The following ADGRA1 variants were observed in gnomAD, a reference collection of about 807,000 sequenced individuals.
ADGRA1 encodes adhesion G protein-coupled receptor A1, also known as G-protein coupled receptor 123.
A neutral mutation model predicts 21.3 loss-of-function variants in ADGRA1; 12 were observed. The observed-to-expected ratio is 0.56, with a 90% confidence interval of 0.36 to 0.91. The LOEUF is 0.91. ADGRA1 is among the 40% of genes least tolerant of loss of function. ADGRA1 has a pLI of 0.01. For synonymous variants in ADGRA1, 385 were observed against 368.8 expected, an observed-to-expected ratio of 1.04 and a Z score of -0.50; for missense variants, 790 against 805.6, an observed-to-expected ratio of 0.98 and a Z score of 0.23.
chr10:133,128,491 G>A lies in ADGRA1; in HGVS notation c.663G>A (p.Leu221=). 6.4e-7 allele frequency: 1 copy of A among 1,559,010 alleles called. No homozygotes were observed. Among genetic ancestry groups the A allele is most frequent in the Non-Finnish European group, 8.7e-7 (1 of 1,153,674 alleles). ...LRTQPEEQRR[L]ATPEGGRGIR... is the part of the protein sequence containing the mutation. ...CACAGCCCGAGGAGCAGCGGCGGCTGGCGACACCCGAGGGCGGCCGTGGGA... is the reference window on the plus strand; with the variant it reads ...CACAGCCCGAGGAGCAGCGGCGGCTAGCGACACCCGAGGGCGGCCGTGGGA... The change falls in exon 7 of 7, where the codon CTG becomes CTA. Residue 221 remains leucine, a synonymous_variant. Coordinates refer to ENST00000392607, the MANE Select transcript of ADGRA1 (RefSeq NM_001083909.3).
At chr10:133,098,526 C>A in intron 3 of ADGRA1, 114 bp from the exon 4 acceptor site, 1 of 1,314,360 alleles carries the variant, frequency 7.6e-7, no homozygotes. Context: ...TGCCCCTGAC[C>A]CCACGGAGAG....
At chr10:133,102,183 C>T (rs1851807453) in intron 4 of ADGRA1, 1 of 455,148 alleles carries the variant, frequency 2.2e-6, no homozygotes, top group Non-Finnish European at 4.4e-6. Flanking sequence ...GCTCATCCCA[C>T]CCACAGTAAG....
intron 4 of ADGRA1, among the ~76,000 whole-genome samples, chr10:133,100,544 G>A (rs542802760): frequency 1.3e-5 from 2 of 152,372 alleles, no homozygotes; most frequent in South Asian, 4.1e-4. Flanking sequence ...CGGATGCTGG[G>A]GTGTTGGGGC....
At chr10:133,127,471 C>A (rs1372420035) in intron 6 of ADGRA1, 140 bp downstream of exon 6, 22 of 654,318 alleles carry the variant, frequency 3.4e-5, no homozygotes, top group Non-Finnish European at 5.5e-5. Context: ...CCGAGAGCTG[C>A]GCCCCTCCCA....
Position 133,131,233 on chromosome 10 carries a change from C to G in ADGRA1, c.*1722C>G, listed in dbSNP as rs182050907. 6.6e-6 allele frequency: 1 copy of G among 152,250 alleles called. No individual in the cohort carries two copies. Among genetic ancestry groups the G allele is most frequent in the Admixed American group, 6.5e-5 (1 of 15,284 alleles). 9.4% of individuals were successfully genotyped at this position (152,250 alleles called of 1,614,324 possible). On this transcript the variant is annotated 3_prime_UTR_variant, in exon 7 of 7. Transcript: ENST00000392607. ...TTGACCGTGACTCAGTAACCCACAG[C>G]GTGCTCCTCCCAGCAAACCCCGTGT...
In ADGRA1 at chr10:133,128,815, C is replaced by T. The variant is rs2806453; in HGVS notation, c.987C>T (p.Pro329=). Residue 329 remains proline (P), a synonymous_variant, in exon 7 of 7, where the codon CCC becomes CCT. Coordinates refer to ENST00000392607, the MANE Select transcript of ADGRA1 (RefSeq NM_001083909.3). ...ACCPPRKDAH[P]ALDANGAALG... is the part of the protein sequence containing the mutation. ...GCCCGCCCCGCAAGGACGCCCACCCCGCACTTGACGCCAACGGGGCCGCGC... is the reference window on the plus strand; with the variant it reads ...GCCCGCCCCGCAAGGACGCCCACCCTGCACTTGACGCCAACGGGGCCGCGC... 0.058 allele frequency: 92,517 copies of T among 1,605,172 alleles called. 3,403 individuals carry two copies. Among genetic ancestry groups the T allele is most frequent in the Admixed American group, 0.16 (9,794 of 59,656 alleles).
intron 2 of ADGRA1, among the ~76,000 whole-genome samples, chr10:133,096,394 C>A (rs547909454): frequency 1.3e-5 from 2 of 152,230 alleles, no homozygotes; most frequent in Non-Finnish European, 2.9e-5. Flanking sequence ...GACCCTGAAC[C>A]CTTTTCTTGG....
At chr10:133,113,917 G>T (rs191707378) in intron 5 of ADGRA1, among the ~76,000 whole-genome samples, 1 of 152,358 alleles carries the variant, frequency 6.6e-6, no homozygotes, top group East Asian at 1.9e-4. Context: ...TAGCCCAGCC[G>T]TGAGCTTTAC....
At position 133,130,464 on chromosome 10, in the gene ADGRA1, C is replaced by T. The variant is rs1852493535; in HGVS notation, c.*953C>T. On this transcript the variant is annotated 3_prime_UTR_variant, in exon 7 of 7. Coordinates refer to ENST00000392607, the MANE Select transcript of ADGRA1 (RefSeq NM_001083909.3). Reference sequence around the variant, plus strand: ...GGACAAAATCCCTTTCCCTTTTTCTCGTCTCCATGAACATCTGGGTACCAA... The same window carrying T: ...GGACAAAATCCCTTTCCCTTTTTCTTGTCTCCATGAACATCTGGGTACCAA... 1 of 152,196 alleles carries T rather than the reference C, an allele frequency of 6.6e-6. No homozygotes were observed. The highest frequency in any genetic ancestry group is 2.4e-5 in the African/African-American group (1 of 41,454). The allele number at this position is 152,196 out of a possible 1,614,324, so 9.4% of individuals were successfully genotyped here. A position where few individuals can be genotyped will look rare whatever the true frequency, so the allele number is the denominator to read the frequency against.
chr10:133,130,766 A>C lies in ADGRA1; in HGVS notation c.*1255A>C, dbSNP rs1852504409. On this transcript the variant is annotated 3_prime_UTR_variant, in exon 7 of 7. Coordinates refer to ENST00000392607, the MANE Select transcript of ADGRA1 (RefSeq NM_001083909.3). ...CATATCACACACATGCACACACACA[A>C]ACACGTGCATATCACACACATGCAC... 1 of 148,194 alleles carries C rather than the reference A, an allele frequency of 6.7e-6. No individual in the cohort carries two copies. The highest frequency in any genetic ancestry group is 2.5e-5 in the African/African-American group (1 of 39,724). The allele number at this position is 148,194 out of a possible 1,614,324, so 9.2% of individuals were successfully genotyped here. A position where few individuals can be genotyped will look rare whatever the true frequency, so the allele number is the denominator to read the frequency against.
rs56850869 is a variant in ADGRA1, at chr10:133,127,760, T to TGGCCCCGCCCACCCAGCTCCACCTCCGCC, written c.500+429_500+430insGGCCCCGCCCACCCAGCTCCACCTCCGCC. ...ATGGCCCGCCCGTCTGCCCTCCGCC[T>TGGCCCCGCCCACCCAGCTCCACCTCCGCC]TGCCCCGCCCACCCAGCTCCACCTC... is the stretch of plus-strand genomic sequence containing the variant. On this transcript the variant is annotated intron_variant, in intron 6 of 6. Coordinates refer to ENST00000392607, the MANE Select transcript of ADGRA1 (RefSeq NM_001083909.3). 3.8e-5 allele frequency among the ~76,000 whole-genome samples: 3 copies of TGGCCCCGCCCACCCAGCTCCACCTCCGCC among 79,070 alleles called. 1 individual carries two copies. 51.9% of individuals were successfully genotyped at this position (79,070 alleles called of 152,430 possible).
At chr10:133,111,011 G>A (rs1392239981) in intron 5 of ADGRA1, among the ~76,000 whole-genome samples, 1 of 152,084 alleles carries the variant, frequency 6.6e-6, no homozygotes, top group Non-Finnish European at 1.5e-5. Flanking sequence ...TGGCTGAACT[G>A]GGGAGGTTCT....
chr10:133,119,261 C>CAA (rs34728360), intron 5 of ADGRA1, among the ~76,000 whole-genome samples: 1 of 145,418 alleles, frequency 6.9e-6, no homozygotes, highest in Non-Finnish European at 1.5e-5. Flanking sequence ...CCTTTATTGC[C>CAA]AAAAAAAAAA....
intron 5 of ADGRA1, among the ~76,000 whole-genome samples, chr10:133,125,706 G>C (rs1175175358): frequency 2.6e-5 from 4 of 152,178 alleles, no homozygotes; most frequent in Non-Finnish European, 4.4e-5. Context: ...AGGGATTACA[G>C]GCGTGAGCCA....
At position 133,130,792 on chromosome 10, in the gene ADGRA1, A is replaced by C. The variant is rs1013690290; in HGVS notation, c.*1281A>C. On this transcript the variant is annotated 3_prime_UTR_variant, in exon 7 of 7. Coordinates refer to ENST00000392607, the MANE Select transcript of ADGRA1 (RefSeq NM_001083909.3). Reference sequence around the variant, plus strand: ...ACACGTGCATATCACACACATGCACACAAACGTGCATATCACACACACGCA... The same window carrying C: ...ACACGTGCATATCACACACATGCACCCAAACGTGCATATCACACACACGCA... The C allele has an allele frequency of 6.6e-6, 1 of 151,732 alleles. No homozygotes were observed. The highest frequency in any genetic ancestry group is 1.5e-5 in the Non-Finnish European group (1 of 67,742). The allele number at this position is 151,732 out of a possible 1,614,324, so 9.4% of individuals were successfully genotyped here.
intron 5 of ADGRA1, among the ~76,000 whole-genome samples, chr10:133,112,137 T>C (rs919814740): frequency 1.3e-5 from 2 of 152,150 alleles, no homozygotes; most frequent in African/African-American, 4.8e-5. Context: ...CCACATTTTC[T>C]GCTCCCTTTG....
intron 5 of ADGRA1, among the ~76,000 whole-genome samples, chr10:133,110,171 G>T (rs572902776): frequency 1.3e-5 from 2 of 152,366 alleles, no homozygotes; most frequent in East Asian, 3.9e-4. Flanking sequence ...GAGACGGCAG[G>T]TGGGGAGGAT....
Position 133,129,658 on chromosome 10 carries a change from T to TGCCCCTTCCTTGTGATCACACCCCG in ADGRA1, c.*171_*172insGGCCCCTTCCTTGTGATCACACCCC. On this transcript the variant is annotated 3_prime_UTR_variant, in exon 7 of 7. Coordinates refer to ENST00000392607, the MANE Select transcript of ADGRA1 (RefSeq NM_001083909.3). Reference sequence around the variant, plus strand: ...TGCCCCTTCCTTGTGATCACACCCCTGCCCCTTCCTTGTGATCACACCCCT... The same window carrying TGCCCCTTCCTTGTGATCACACCCCG: ...TGCCCCTTCCTTGTGATCACACCCCTGCCCCTTCCTTGTGATCACACCCCGGCCCCTTCCTTGTGATCACACCCCT... 2.6e-6 allele frequency: 1 copy of TGCCCCTTCCTTGTGATCACACCCCG among 379,022 alleles called. No homozygotes were observed. Among genetic ancestry groups the TGCCCCTTCCTTGTGATCACACCCCG allele is most frequent in the Non-Finnish European group, 4.9e-6 (1 of 205,550 alleles). 23.5% of individuals were successfully genotyped at this position (379,022 alleles called of 1,614,324 possible). A position where few individuals can be genotyped will look rare whatever the true frequency, so the allele number is the denominator to read the frequency against.
chr10:133,128,844 G>A lies in ADGRA1; in HGVS notation c.1016G>A (p.Gly339Asp), dbSNP rs753148842. 6.3e-7 allele frequency: 1 copy of A among 1,584,972 alleles called. No homozygotes were observed. Among genetic ancestry groups the A allele is most frequent in the Admixed American group, 1.7e-5 (1 of 57,470 alleles). The change falls in exon 7 of 7, where the codon GGC becomes GAC. Residue 339 changes from glycine (G) to aspartate (D), a missense_variant. Transcript: ENST00000392607. ...CTTGACGCCAACGGGGCCGCGCTGGGCCGCGCCGCCTGCCTGCACTCGCCG... is the reference window on the plus strand; with the variant it reads ...CTTGACGCCAACGGGGCCGCGCTGGACCGCGCCGCCTGCCTGCACTCGCCG... ...PALDANGAAL[G>D]RAACLHSPGL... is the part of the protein sequence containing the mutation.
Sources: gnomAD v4.1 joint callset for allele counts (sites outside exome capture counted in the v4.1 genomes callset) on GRCh38, gnomAD v4.1.1 for gene constraint, MANE v1.5 for transcripts, NCBI Gene and HGNC (gene_info 2026-07-23, HGNC 2026-07-21) for gene names.